The following RABGEF1 variants were observed in gnomAD, a reference collection of about 807,000 sequenced individuals.
RABGEF1 encodes RAB guanine nucleotide exchange factor 1, also known as rab5 GDP/GTP exchange factor.
In RABGEF1, 26 loss-of-function variants were observed where a neutral mutation model predicts 57.3. The observed-to-expected ratio is 0.45, with a 90% CI of 0.33 to 0.63. The LOEUF (loss-of-function observed/expected upper bound fraction) is 0.63, where lower values mean the gene tolerates loss of function less well. RABGEF1 is among the 20% of genes least tolerant of loss of function. The pLI, the probability that RABGEF1 is intolerant of heterozygous loss-of-function variation, is 0.02. For synonymous variants in RABGEF1, 185 were observed against 210.7 expected, an observed-to-expected ratio of 0.88 and a Z score of 1.06; for missense variants, 464 against 607.6, an observed-to-expected ratio of 0.76 and a Z score of 2.48.
the RABGEF1 span, among the ~76,000 whole-genome samples, chr7:66,670,518 G>C: frequency 6.9e-6 from 1 of 145,386 alleles, no homozygotes; most frequent in Admixed American, 7.3e-5. Context: ...ACACTGGCTG[G>C]ATGAAATTGC....
At position 66,810,391 on chromosome 7, in the gene RABGEF1, A is replaced by G. The variant is rs1396507119; in HGVS notation, c.*1107A>G. 6.6e-6 allele frequency: 1 copy of G among 152,196 alleles called. No homozygotes were observed. The highest frequency in any genetic ancestry group is 1.5e-5 in the Non-Finnish European group (1 of 68,040). The allele number at this position is 152,196 out of a possible 1,614,324, so 9.4% of individuals were successfully genotyped here. A position where few individuals can be genotyped will look rare whatever the true frequency, so the allele number is the denominator to read the frequency against. ...ATTAGGTGCCAGTAGCACCCCCGCT[A>G]GAGCTGTGAAAAATTCTCTCCAGAC... On this transcript the variant is annotated 3_prime_UTR_variant, in exon 9 of 9. Coordinates refer to ENST00000284957, the MANE Select transcript of RABGEF1 (RefSeq NM_014504.3).
intron 1 of RABGEF1, among the ~76,000 whole-genome samples, chr7:66,699,272 C>T (rs944820293): frequency 3.9e-5 from 6 of 152,322 alleles, no homozygotes; most frequent in African/African-American, 1.4e-4. Flanking sequence ...TCTTTTTCTG[C>T]CTCATTCTCT....
chr7:66,739,515 A>AG, upstream of RABGEF1, among the ~76,000 whole-genome samples: 1 of 151,380 alleles, frequency 6.6e-6, no homozygotes, highest in African/African-American at 2.4e-5. Flanking sequence ...AAAAAATATG[A>AG]GCTGGGCGTG....
chr7:66,736,825 C>T (rs1191941958), upstream of RABGEF1, among the ~76,000 whole-genome samples: 1 of 152,140 alleles, frequency 6.6e-6, no homozygotes. Context: ...TGCGCCACTG[C>T]ACTCCAGCCA....
chr7:66,781,589 A>G (rs1809917741), intron 3 of RABGEF1, among the ~76,000 whole-genome samples: 1 of 151,626 alleles, frequency 6.6e-6, no homozygotes, highest in Non-Finnish European at 1.5e-5. Flanking sequence ...TCTTCCTCCC[A>G]TCCTTTGTGC....
Position 66,762,388 on chromosome 7 carries a change from C to T in RABGEF1, c.-17-9495C>T, listed in dbSNP as rs563477520. ...GGTGGATCACTTGAGGCCAGGAATT[C>T]GAGATCAGCCTGGTCAATATGGCGA... On this transcript the variant is annotated intron_variant, in intron 1 of 8. Transcript: ENST00000284957. Among the ~76,000 whole-genome samples the T allele has an allele frequency of 4.6e-5, 7 of 152,120 alleles. No homozygotes were observed. The South Asian group carries it at 1.5e-3, about 32-fold the overall frequency.
rs186430020 is a variant in RABGEF1, at chr7:66,724,446, G to A, written c.-815+12222G>A. Among the ~76,000 whole-genome samples, 933 of 151,892 alleles carry A rather than the reference G, an allele frequency of 6.1e-3. 11 individuals carry two copies. The highest frequency in any genetic ancestry group is 0.021 in the African/African-American group (869 of 41,438). The stretch of plus-strand genomic sequence containing the variant: ...GCGATCTCGGCTCACTGCACCCACC[G>A]CTTCCCAGGTTCAAGCAATTCTCCT... On this transcript the variant is annotated intron_variant and NMD_transcript_variant, in intron 2 of 9. Transcript: ENST00000607882.
intron 7 of RABGEF1, among the ~76,000 whole-genome samples, chr7:66,801,010 AC>A (rs1787166003): frequency 6.6e-6 from 1 of 152,230 alleles, no homozygotes; most frequent in Non-Finnish European, 1.5e-5. Context: ...TTCTGGGCTG[AC>A]AAGTAACAAA....
At chr7:66,674,191 G>GC in the RABGEF1 span, among the ~76,000 whole-genome samples, 133 of 145,584 alleles carry the variant, frequency 9.1e-4, no homozygotes, top group African/African-American at 1.4e-3. Context: ...TCCACTAAAG[G>GC]CTTTTTTTTT....
At chr7:66,681,541 G>C (rs538308413), upstream of RABGEF1, among the ~76,000 whole-genome samples, 1 of 151,824 alleles carries the variant, frequency 6.6e-6, no homozygotes, top group African/African-American at 2.4e-5. Context: ...TGGGACCACA[G>C]GTGCCCGCCA....
Position 66,756,179 on chromosome 7 carries a change from A to G in RABGEF1, c.-18+15387A>G, listed in dbSNP as rs752720405. ...ATCAGTTATTCAAAGAAAATATACT[A>G]GTGCTAATAAATATCTCTAAAGATG... is the stretch of plus-strand genomic sequence containing the variant. On this transcript the variant is annotated intron_variant, in intron 1 of 8. Transcript: ENST00000284957. 3.4e-4 allele frequency: 228 copies of G among 663,586 alleles called. 2 individuals are homozygous for G. Among genetic ancestry groups the G allele is most frequent in the Non-Finnish European group, 7.9e-5 (33 of 416,876 alleles). The allele number at this position is 663,586 out of a possible 1,614,324, so 41.1% of individuals were successfully genotyped here.
intron 2 of RABGEF1, 100 bp from the exon 3 acceptor site, chr7:66,775,127 A>G (rs1808218905): frequency 7.5e-6 from 10 of 1,333,142 alleles, no homozygotes; most frequent in Non-Finnish European, 9.1e-6. Context: ...CTCTAGGTCT[A>G]AAATCTTTAG....
At chr7:66,763,260 C>T (rs533244841) in intron 1 of RABGEF1, among the ~76,000 whole-genome samples, 25 of 152,188 alleles carry the variant, frequency 1.6e-4, no homozygotes, top group African/African-American at 5.8e-4. Flanking sequence ...CAGAATTAAG[C>T]ATCGGCCAGC....
the RABGEF1 span, among the ~76,000 whole-genome samples, chr7:66,666,829 T>C: frequency 6.6e-6 from 1 of 152,144 alleles, no homozygotes; most frequent in Non-Finnish European, 1.5e-5. Flanking sequence ...CAGGGCTCCT[T>C]GGAGAGGTCA....
At chr7:66,677,824 G>C (rs1789393752), upstream of RABGEF1, among the ~76,000 whole-genome samples, 1 of 151,236 alleles carries the variant, frequency 6.6e-6, no homozygotes, top group Non-Finnish European at 1.5e-5. Context: ...CAAGCACTTT[G>C]GGAGGCTGAA....
intron 1 of RABGEF1, among the ~76,000 whole-genome samples, chr7:66,743,896 G>A (rs1332233097): frequency 6.6e-6 from 1 of 152,132 alleles, no homozygotes; most frequent in Non-Finnish European, 1.5e-5. Context: ...CTCCCAAAGT[G>A]TTGGGATTAC....
chr7:66,794,954 C>G (rs759672419), intron 4 of RABGEF1, among the ~76,000 whole-genome samples: 5 of 152,180 alleles, frequency 3.3e-5, no homozygotes, highest in Non-Finnish European at 7.3e-5. Flanking sequence ...TGCATTAAAT[C>G]TATTTAAGAA....
At chr7:66,713,351 A>G (rs1367596222) in intron 2 of RABGEF1, among the ~76,000 whole-genome samples, 1 of 151,048 alleles carries the variant, frequency 6.6e-6, no homozygotes, top group East Asian at 2.0e-4. Flanking sequence ...TGTGGTCTCA[A>G]TCTCCTGACC....
chr7:66,690,766 A>G (rs1791400939), intron 1 of RABGEF1, among the ~76,000 whole-genome samples: 1 of 151,802 alleles, frequency 6.6e-6, no homozygotes, highest in Non-Finnish European at 1.5e-5. Flanking sequence ...AACACTGCCA[A>G]ATTGAACTTA....
Sources: gnomAD v4.1 joint callset for allele counts (sites outside exome capture counted in the v4.1 genomes callset) on GRCh38, gnomAD v4.1.1 for gene constraint, MANE v1.5 for transcripts, NCBI Gene and HGNC (gene_info 2026-07-23, HGNC 2026-07-21) for gene names.